The following KCNQ3 variants were observed in gnomAD, a reference collection of about 807,000 sequenced individuals.
KCNQ3 encodes potassium voltage-gated channel subfamily KQT member 3.
Under a neutral mutation model 92.5 loss-of-function variants are expected in KCNQ3, and 30 were observed. The ratio of observed to expected loss-of-function variants is 0.32; its 90% CI spans 0.24 to 0.44. The LOEUF (loss-of-function observed/expected upper bound fraction) is 0.44, where lower values mean the gene tolerates loss of function less well. KCNQ3 is among the 20% of genes least tolerant of loss of function. The pLI is 1.00. For missense variants in KCNQ3, 913 were observed against 1,140.3 expected (o/e 0.80, Z 2.87); for synonymous variants, 450 against 468.8 (o/e 0.96, Z 0.52).
chr8:132,157,678 C>T (rs1372780151), intron 9 of KCNQ3, among the ~76,000 whole-genome samples: 2 of 151,894 alleles, frequency 1.3e-5, no homozygotes, highest in Admixed American at 1.3e-4. Flanking sequence ...TTATTAATTT[C>T]ACTTTAAGTT....
intron 1 of KCNQ3, among the ~76,000 whole-genome samples, chr8:132,208,766 A>G (rs190275002): frequency 1.2e-3 from 185 of 152,220 alleles, no homozygotes; most frequent in Non-Finnish European, 2.1e-3. Flanking sequence ...TAATCAAAAG[A>G]CTTCTTAGAG....
chr8:132,266,407 G>A (rs927858237), intron 1 of KCNQ3, among the ~76,000 whole-genome samples: 5 of 152,192 alleles, frequency 3.3e-5, no homozygotes, highest in African/African-American at 1.2e-4. Flanking sequence ...AAGTTACTCT[G>A]TAAACGAGAT....
intron 1 of KCNQ3, among the ~76,000 whole-genome samples, chr8:132,213,229 T>C (rs1813918032): frequency 1.3e-5 from 2 of 152,338 alleles, no homozygotes; most frequent in Admixed American, 6.5e-5. Context: ...AACTCAGTTC[T>C]GCCACCAGAG....
intron 1 of KCNQ3, among the ~76,000 whole-genome samples, chr8:132,375,702 T>A (rs982490955): frequency 1.3e-5 from 2 of 152,094 alleles, no homozygotes; most frequent in African/African-American, 4.8e-5. Flanking sequence ...CGGAAACAAT[T>A]CCCACCCATG....
At chr8:132,362,814 T>A (rs577850983) in intron 1 of KCNQ3, among the ~76,000 whole-genome samples, 1 of 152,066 alleles carries the variant, frequency 6.6e-6, no homozygotes, top group African/African-American at 2.4e-5. Context: ...GGAAAGCAGA[T>A]GTATTGAGCT....
chr8:132,351,293 C>T (rs866550982), intron 1 of KCNQ3, among the ~76,000 whole-genome samples: 1 of 152,156 alleles, frequency 6.6e-6, no homozygotes, highest in South Asian at 2.1e-4. Context: ...AGATCCAGGG[C>T]TGAACTGGTT....
intron 9 of KCNQ3, among the ~76,000 whole-genome samples, chr8:132,152,376 T>C (rs1357089778): frequency 6.6e-6 from 1 of 152,174 alleles, no homozygotes; most frequent in Non-Finnish European, 1.5e-5. Context: ...AACAACTGAG[T>C]AAGGTATACT....
chr8:132,202,555 C>T (rs1477318895), intron 1 of KCNQ3, among the ~76,000 whole-genome samples: 1 of 152,142 alleles, frequency 6.6e-6, no homozygotes, highest in Non-Finnish European at 1.5e-5. Flanking sequence ...TGCTGCTTAG[C>T]TATTTCTTCT....
At chr8:132,135,697 C>T (rs368385363) in intron 12 of KCNQ3, among the ~76,000 whole-genome samples, 105 of 152,198 alleles carry the variant, frequency 6.9e-4, no homozygotes, top group African/African-American at 1.6e-3. Flanking sequence ...CCTCGTCTCT[C>T]GGAGAGCCAT....
At chr8:132,313,280 G>A (rs1313898051) in intron 1 of KCNQ3, among the ~76,000 whole-genome samples, 1 of 152,150 alleles carries the variant, frequency 6.6e-6, no homozygotes, top group Non-Finnish European at 1.5e-5. Flanking sequence ...AAACAGAAAA[G>A]GCTTTTGTTT....
rs1824737577 is a variant in KCNQ3 at position 132,128,370 on chromosome 8, A to C, written c.*892T>G. 6.6e-6 allele frequency: 1 copy of C among 152,210 alleles called. No individual in the cohort carries two copies. The highest frequency in any genetic ancestry group is 2.1e-4 in the South Asian group (1 of 4,830). 9.4% of individuals were successfully genotyped at this position (152,210 alleles called of 1,614,324 possible). ...ATTTTAGATGGATATTTTGTACTTC[A>C]GTATCATGGGAAGAAATGAGAGTTG... On this transcript the variant is annotated 3_prime_UTR_variant, in exon 15 of 15. Transcript: ENST00000388996.
chr8:132,469,319 T>C (rs939753082), intron 1 of KCNQ3, among the ~76,000 whole-genome samples: 1 of 152,210 alleles, frequency 6.6e-6, no homozygotes, highest in African/African-American at 2.4e-5. Context: ...GCCCACCTGA[T>C]CCTTCTACAG....
intron 1 of KCNQ3, among the ~76,000 whole-genome samples, chr8:132,428,552 CAG>C (rs201318711): frequency 7.3e-5 from 11 of 151,266 alleles, no homozygotes; most frequent in African/African-American, 1.9e-4. Flanking sequence ...CACACACATA[CAG>C]AGAGAGAGAG....
intron 1 of KCNQ3, among the ~76,000 whole-genome samples, chr8:132,464,716 A>G (rs1822133314): frequency 6.6e-6 from 1 of 152,208 alleles, no homozygotes; most frequent in African/African-American, 2.4e-5. Context: ...ATCCATTTAA[A>G]CAGTGTTGAC....
At chr8:132,140,290 C>A in intron 10 of KCNQ3, 112 bp from the exon 11 acceptor site, 1 of 707,008 alleles carries the variant, frequency 1.4e-6, no homozygotes, top group Non-Finnish European at 2.5e-6. Flanking sequence ...TCCCCAGAGT[C>A]TTTATTTCCA....
intron 1 of KCNQ3, among the ~76,000 whole-genome samples, chr8:132,309,750 A>T (rs776843226): frequency 6.6e-6 from 1 of 152,174 alleles, no homozygotes; most frequent in Non-Finnish European, 1.5e-5. Flanking sequence ...ACAAATCCCC[A>T]TCCCTTTAAT....
intron 1 of KCNQ3, among the ~76,000 whole-genome samples, chr8:132,429,693 T>C (rs1240716278): frequency 6.6e-6 from 1 of 151,906 alleles, no homozygotes; most frequent in Non-Finnish European, 1.5e-5. Flanking sequence ...AAACCCTGTC[T>C]CTACTAAAAA....
rs886062689 is a variant in KCNQ3 at position 132,129,607 on chromosome 8, C to T, written c.2274G>A (p.Val758=). ...GCAGGTCAGCCTGGGAGTGGCAGCTCACTCGGGAGTCGAGAAGAGTCAAGA... is the reference window on the plus strand; with the variant it reads ...GCAGGTCAGCCTGGGAGTGGCAGCTTACTCGGGAGTCGAGAAGAGTCAAGA... ...LPILTLLDSR[V]SCHSQADLQG... The change falls in exon 15 of 15, where the codon GTG becomes GTA. Residue 758 remains valine, a synonymous_variant. Transcript: ENST00000388996. This position sits in a 1 kb window ranked among gnomAD's most constrained non-coding sequence, Gnocchi z 5.9. 6.2e-7 allele frequency: 1 copy of T among 1,614,186 alleles called. No homozygotes were observed. Among genetic ancestry groups the T allele is most frequent in the Non-Finnish European group, 8.5e-7 (1 of 1,180,032 alleles).
chr8:132,358,727 G>T (rs1239447877), intron 1 of KCNQ3, among the ~76,000 whole-genome samples: 2 of 152,068 alleles, frequency 1.3e-5, no homozygotes, highest in Non-Finnish European at 1.5e-5. Context: ...TTCATTTGGG[G>T]TCCACAGACA....
Sources: allele counts gnomAD v4.1 joint callset (sites outside exome capture counted in the v4.1 genomes callset), GRCh38; gene constraint gnomAD v4.1.1; non-coding constraint Gnocchi (gnomAD v3.1); transcripts MANE v1.5; gene names NCBI Gene and HGNC (gene_info 2026-07-23, HGNC 2026-07-21).